NRF1: variants seen among roughly 807,000 people sequenced by gnomAD.
The protein encoded by NRF1 is nuclear respiratory factor 1, also known as alpha palindromic-binding protein.
In NRF1, 5 loss-of-function variants were observed where a neutral mutation model predicts 58.5. That is an observed-to-expected ratio of 0.09 (90% CI 0.04 to 0.18). NRF1 has a LOEUF of 0.18. Among genes scored for constraint, NRF1 ranks in the 10% least tolerant of loss-of-function variants. The pLI, the probability that NRF1 is intolerant of heterozygous loss-of-function variation, is 1.00. For missense variants in NRF1, 288 were observed against 657.7 expected, an observed-to-expected ratio of 0.44 and a Z score of 6.15; for synonymous variants, 224 against 246.7, an observed-to-expected ratio of 0.91 and a Z score of 0.86.
chr7:129,656,512 A>G (rs556400869), intron 1 of NRF1, among the ~76,000 whole-genome samples: 1 of 152,080 alleles, frequency 6.6e-6, no homozygotes, highest in South Asian at 2.1e-4. Context: ...TTACTGCTTT[A>G]TACATTACTG....
At chr7:129,678,383 T>C (rs1013084233) in intron 4 of NRF1, among the ~76,000 whole-genome samples, 2 of 152,208 alleles carry the variant, frequency 1.3e-5, no homozygotes, top group African/African-American at 4.8e-5. Context: ...AAATTGCATT[T>C]TGTTTTTATT....
At chr7:129,674,910 T>C (rs1802141715) in intron 3 of NRF1, among the ~76,000 whole-genome samples, 1 of 152,168 alleles carries the variant, frequency 6.6e-6, no homozygotes, top group Non-Finnish European at 1.5e-5. Context: ...ACAACAAATT[T>C]TGCCCTATCG....
rs565437865 is a variant in NRF1, at chr7:129,682,781, G to A, written c.465+5023G>A. ...TATTCCACTGTGCTCCAGCCTGGGTGACAGAGTGAGACAATGGCCCAAAAA... is the reference window on the plus strand; with the variant it reads ...TATTCCACTGTGCTCCAGCCTGGGTAACAGAGTGAGACAATGGCCCAAAAA... On this transcript the variant is annotated intron_variant, in intron 4 of 10. Transcript: ENST00000393232. 7.2e-5 allele frequency among the ~76,000 whole-genome samples: 11 copies of A among 152,160 alleles called. No individual in the cohort carries two copies. The South Asian group carries it at 1.9e-3, about 26-fold the overall frequency.
intron 1 of NRF1, among the ~76,000 whole-genome samples, chr7:129,614,189 C>T (rs969067213): frequency 1.3e-5 from 2 of 152,138 alleles, no homozygotes. Flanking sequence ...GATCTCGGCT[C>T]ACTGCAACAT....
At chr7:129,699,656 A>G (rs759516844) in intron 5 of NRF1, among the ~76,000 whole-genome samples, 39 of 151,874 alleles carry the variant, frequency 2.6e-4, no homozygotes, top group Non-Finnish European at 3.8e-4. Context: ...GCTTGAACCC[A>G]GGAGGTAAAG....
At chr7:129,730,803 C>T (rs897462225) in intron 10 of NRF1, among the ~76,000 whole-genome samples, 7 of 151,836 alleles carry the variant, frequency 4.6e-5, no homozygotes, top group African/African-American at 1.5e-4. Context: ...TAGTAAGACC[C>T]CATCTCTACA....
At chr7:129,622,193 T>TGAA (rs1344494445) in intron 1 of NRF1, among the ~76,000 whole-genome samples, 1 of 152,186 alleles carries the variant, frequency 6.6e-6, no homozygotes, top group Non-Finnish European at 1.5e-5. Flanking sequence ...CTTCCATTGT[T>TGAA]TTTCAAGTTA....
chr7:129,743,766 C>A (rs1803903251), intron 10 of NRF1, among the ~76,000 whole-genome samples: 1 of 152,188 alleles, frequency 6.6e-6, no homozygotes, highest in Non-Finnish European at 1.5e-5. Context: ...TGGGCAATTT[C>A]TCTGAGCGAG....
intron 1 of NRF1, among the ~76,000 whole-genome samples, chr7:129,652,662 CTCACTGCAAGCTCCGCCT>C (rs1199371450): frequency 6.6e-6 from 1 of 152,144 alleles, no homozygotes; most frequent in Non-Finnish European, 1.5e-5. Flanking sequence ...AGTGGCGCAT[CTCACTGCAAGCTCCGCCT>C]TCCGGGTTCA....
At chr7:129,700,074 G>C (rs1312915787) in intron 5 of NRF1, among the ~76,000 whole-genome samples, 1 of 150,974 alleles carries the variant, frequency 6.6e-6, no homozygotes, top group African/African-American at 2.4e-5. Context: ...CTAGGAGGTG[G>C]AGGTTGCAGT....
At chr7:129,692,734 C>G (rs1263099274) in intron 5 of NRF1, among the ~76,000 whole-genome samples, 1 of 152,170 alleles carries the variant, frequency 6.6e-6, no homozygotes, top group Non-Finnish European at 1.5e-5. Flanking sequence ...TCATCATCTT[C>G]CCCTCAGTCA....
chr7:129,698,409 T>G (rs1802747825), intron 5 of NRF1, among the ~76,000 whole-genome samples: 1 of 152,032 alleles, frequency 6.6e-6, no homozygotes, highest in African/African-American at 2.4e-5. Flanking sequence ...AATGAAAATT[T>G]GGATTTCTAG....
intron 1 of NRF1, among the ~76,000 whole-genome samples, chr7:129,625,874 G>A (rs1248067675): frequency 6.6e-6 from 1 of 151,982 alleles, no homozygotes; most frequent in Non-Finnish European, 1.5e-5. Flanking sequence ...AGTAGAGATG[G>A]GGTTTCACCA....
intron 5 of NRF1, among the ~76,000 whole-genome samples, chr7:129,695,712 G>A (rs1248227114): frequency 2.0e-5 from 3 of 148,428 alleles, no homozygotes; most frequent in Non-Finnish European, 4.5e-5. Context: ...GAATTGATCT[G>A]ATTTATCTCA....
chr7:129,638,962 C>T (rs143045666), intron 1 of NRF1, among the ~76,000 whole-genome samples: 2,818 of 151,728 alleles, frequency 0.019, 42 homozygotes, highest in Non-Finnish European at 0.029. Context: ...ATTTTTTTTC[C>T]TTCTTACTAC....
intron 5 of NRF1, among the ~76,000 whole-genome samples, chr7:129,705,923 A>G (rs1363644380): frequency 6.6e-6 from 1 of 151,634 alleles, no homozygotes; most frequent in African/African-American, 2.4e-5. Flanking sequence ...CCTGGGCCAC[A>G]GAGCAAGATC....
In NRF1 at chr7:129,643,980, C is replaced by T. The variant is rs538278618; in HGVS notation, c.-6-13366C>T. Among the ~76,000 whole-genome samples the T allele has an allele frequency of 3.3e-5, 5 of 152,298 alleles. No homozygotes were observed. In the East Asian group the frequency reaches 9.6e-4, roughly 29 times the overall value. On this transcript the variant is annotated intron_variant, in intron 1 of 10. Transcript: ENST00000393232. ...TGCTATGCCATGTGCTTTCACAAGC[C>T]GTTGCTGCTGCCTGCAGTGCCCTTT... is the stretch of plus-strand genomic sequence containing the variant.
At position 129,757,008 on chromosome 7, in the gene NRF1, A is replaced by G. The variant is rs1435899678; in HGVS notation, c.*1827A>G. On this transcript the variant is annotated 3_prime_UTR_variant, in exon 11 of 11. Transcript: ENST00000393232. ...AAAAGCAAAACCCCAGTAGCAGAGC[A>G]TGGATTCTGTGTTGTTTCCCATTCT... The G allele has an allele frequency of 6.6e-6, 1 of 152,656 alleles. No homozygotes were observed. Among genetic ancestry groups the G allele is most frequent in the Non-Finnish European group, 1.5e-5 (1 of 68,036 alleles). The allele number at this position is 152,656 out of a possible 1,614,324, so 9.5% of individuals were successfully genotyped here. A position where few individuals can be genotyped will look rare whatever the true frequency, so the allele number is the denominator to read the frequency against.
chr7:129,735,036 T>A (rs916706376), intron 10 of NRF1: 2 of 985,254 alleles, frequency 2.0e-6, no homozygotes, highest in Non-Finnish European at 2.4e-6. Context: ...CTTATTTGTT[T>A]CCCCAGCTCC....
Sources: allele counts gnomAD v4.1 joint callset (sites outside exome capture counted in the v4.1 genomes callset), GRCh38; gene constraint gnomAD v4.1.1; transcripts MANE v1.5; gene names NCBI Gene and HGNC (gene_info 2026-07-23, HGNC 2026-07-21).